The following HPSE variants were observed in gnomAD, a reference collection of about 807,000 sequenced individuals.
The protein encoded by HPSE is endo-glucoronidase.
Under a neutral mutation model 65.1 loss-of-function variants are expected in HPSE, and 48 were observed. The ratio of observed to expected loss-of-function variants is 0.74; its 90% CI spans 0.58 to 0.94. HPSE has a LOEUF of 0.94. Among genes scored for constraint, HPSE ranks in the 40% least tolerant of loss-of-function variants. HPSE has a pLI of 0.00. For synonymous variants in HPSE, 243 were observed against 260.0 expected, an observed-to-expected ratio of 0.93 and a Z score of 0.63; for missense variants, 644 against 637.5, an observed-to-expected ratio of 1.01 and a Z score of -0.11.
chr4:83,307,408 TGCAGCAGCA>T (rs35936108), intron 8 of HPSE, among the ~76,000 whole-genome samples: 1 of 151,912 alleles, frequency 6.6e-6, no homozygotes, highest in East Asian at 1.9e-4. Context: ...GGCAACTGCA[TGCAGCAGCA>T]GCAGCAGCAG....
rs1208670128 is a variant in HPSE at position 83,309,611 on chromosome 4, AG to A, written c.891-117del. On this transcript the variant is annotated intron_variant, in intron 6 of 11. Coordinates refer to ENST00000311412, the MANE Select transcript of HPSE (RefSeq NM_001098540.3). Reference sequence around the variant, plus strand: ...CTCCCACTCACCTGTTACTAAAAAAAGGTAGAAGTTCTACTAGGGAAAGACC... The same window carrying A: ...CTCCCACTCACCTGTTACTAAAAAAAGTAGAAGTTCTACTAGGGAAAGACC... 9 of 674,254 alleles carry A rather than the reference AG, an allele frequency of 1.3e-5. No homozygotes were observed. In the Middle Eastern group the frequency reaches 9.8e-4, roughly 73 times the overall value. 41.8% of individuals were successfully genotyped at this position (674,254 alleles called of 1,614,324 possible). A position where few individuals can be genotyped will look rare whatever the true frequency, so the allele number is the denominator to read the frequency against.
chr4:83,322,865 TA>T (rs1280512720), intron 1 of HPSE, among the ~76,000 whole-genome samples: 1 of 150,010 alleles, frequency 6.7e-6, no homozygotes, highest in Non-Finnish European at 1.5e-5. Context: ...GGGGTCTTGC[TA>T]TGTTGCCCAG....
upstream of HPSE, chr4:83,334,897 A>T (rs1737559080): frequency 7.1e-7 from 1 of 1,412,266 alleles, no homozygotes; most frequent in Non-Finnish European, 9.2e-7. Flanking sequence ...CCGCCCCGTT[A>T]CGCCTCCTCA....
intron 6 of HPSE, 125 bp from the exon 7 acceptor site, chr4:83,309,620 T>TTCTA: frequency 1.5e-6 from 1 of 658,496 alleles, no homozygotes; most frequent in South Asian, 1.8e-5. Context: ...AAGGTAGAAG[T>TTCTA]TCTACTAGGG....
chr4:83,320,852 T>C (rs1386157642), intron 2 of HPSE, among the ~76,000 whole-genome samples: 1 of 152,174 alleles, frequency 6.6e-6, no homozygotes, highest in African/African-American at 2.4e-5. Flanking sequence ...CAGTTTCCTG[T>C]CTACATTTAT....
intron 10 of HPSE, 130 bp from the exon 11 acceptor site, chr4:83,301,236 C>G: frequency 9.1e-6 from 5 of 547,410 alleles, no homozygotes; most frequent in Non-Finnish European, 1.2e-5. Context: ...GTATTAGGAT[C>G]CATAATGACA....
intron 3 of HPSE, 149 bp from the exon 4 acceptor site, chr4:83,313,436 C>T (rs180902878): frequency 1.8e-6 from 1 of 543,754 alleles, no homozygotes; most frequent in Non-Finnish European, 3.1e-6. Flanking sequence ...TTTGAGACAA[C>T]AAAATTGGAC....
chr4:83,320,420 G>C (rs137980198), intron 2 of HPSE, among the ~76,000 whole-genome samples: 1 of 152,098 alleles, frequency 6.6e-6, no homozygotes, highest in African/African-American at 2.4e-5. Flanking sequence ...CGAAAACTTA[G>C]CTGGGCGTGG....
At chr4:83,330,743 C>A (rs1486051127) in intron 1 of HPSE, among the ~76,000 whole-genome samples, 2 of 152,176 alleles carry the variant, frequency 1.3e-5, no homozygotes, top group Non-Finnish European at 2.9e-5. Context: ...GCTGTTCGTA[C>A]CACTTTTGCT....
chr4:83,327,995 A>G (rs1249695260), intron 1 of HPSE, among the ~76,000 whole-genome samples: 2 of 152,202 alleles, frequency 1.3e-5, no homozygotes, highest in East Asian at 1.9e-4. Flanking sequence ...AATGTTTAAG[A>G]CAAACTAGAG....
At chr4:83,325,923 G>A (rs759580643) in intron 1 of HPSE, among the ~76,000 whole-genome samples, 47 of 152,174 alleles carry the variant, frequency 3.1e-4, no homozygotes, top group Non-Finnish European at 5.7e-4. Flanking sequence ...GAAGGGTGTG[G>A]TTGGTGCCTA....
At position 83,322,362 on chromosome 4, in the gene HPSE, G is replaced by C. The variant is rs756360681; in HGVS notation, c.230C>G (p.Ser77Cys). The change falls in exon 2 of 12, where the codon TCT (serine) becomes TGT (cysteine). Residue 77 changes from serine (S) to cysteine (C), a missense_variant and splice_region_variant. Ser to Cys is a moderately radical substitution (Grantham distance 112). Transcript: ENST00000311412. ...TCTGGCCAAGGTACGAAGCTTTGGA[G>C]AACTGTTAGGAAGACAAGCAAGAAA... ...TDPRFLILLG[S>C]PKLRTLARGL... 3 of 1,604,908 alleles carry C rather than the reference G, an allele frequency of 1.9e-6. No individual in the cohort carries two copies. Among genetic ancestry groups the C allele is most frequent in the Non-Finnish European group, 2.5e-6 (3 of 1,176,944 alleles).
intron 1 of HPSE, among the ~76,000 whole-genome samples, chr4:83,325,109 A>G (rs1306685912): frequency 1.3e-5 from 2 of 150,824 alleles, no homozygotes; most frequent in South Asian, 2.1e-4. Flanking sequence ...CAAGCACGTT[A>G]TATTTTAAAT....
chr4:83,333,844 T>TA (rs60480415), intron 1 of HPSE, among the ~76,000 whole-genome samples: 2 of 141,302 alleles, frequency 1.4e-5, no homozygotes, highest in African/African-American at 5.2e-5. Flanking sequence ...TTCATCTGCC[T>TA]AAAAAAAAAA....
intron 3 of HPSE, among the ~76,000 whole-genome samples, chr4:83,315,593 A>G (rs1736596530): frequency 6.6e-6 from 1 of 152,172 alleles, no homozygotes; most frequent in South Asian, 2.1e-4. Flanking sequence ...AGTGCCCTGG[A>G]TCAGAAATCA....
rs1560514085 is a variant in HPSE, at chr4:83,322,347, G to T, written c.245C>A (p.Thr82Asn). The T allele has an allele frequency of 6.2e-7, 1 of 1,611,654 alleles. No individual in the cohort carries two copies. Among genetic ancestry groups the T allele is most frequent in the Admixed American group, 1.7e-5 (1 of 59,476 alleles). Reference sequence around the variant, plus strand: ...CGCAGGAGACAAGCCTCTGGCCAAGGTACGAAGCTTTGGAGAACTGTTAGG... The same window carrying T: ...CGCAGGAGACAAGCCTCTGGCCAAGTTACGAAGCTTTGGAGAACTGTTAGG... ...LILLGSPKLR[T>N]LARGLSPAYL... The change falls in exon 2 of 12, where the codon ACC becomes AAC. Residue 82 changes from threonine to asparagine, a missense_variant. Thr to Asn is a moderately conservative substitution (Grantham distance 65, BLOSUM62 0). Transcript: ENST00000311412.
chr4:83,322,844 TGTGG>T, intron 1 of HPSE, among the ~76,000 whole-genome samples: 1 of 147,084 alleles, frequency 6.8e-6, no homozygotes, highest in African/African-American at 2.6e-5. Context: ...TGTGTTTGTG[TGTGG>T]AGGGATGGGG....
chr4:83,299,857 A>C (rs1226249592), intron 11 of HPSE, among the ~76,000 whole-genome samples: 1 of 152,026 alleles, frequency 6.6e-6, no homozygotes, highest in Non-Finnish European at 1.5e-5. Context: ...GGCATGCACC[A>C]CCACGCCTGG....
At chr4:83,308,425 A>G (rs570061067) in intron 8 of HPSE, among the ~76,000 whole-genome samples, 1 of 152,168 alleles carries the variant, frequency 6.6e-6, no homozygotes, top group South Asian at 2.1e-4. Flanking sequence ...TCTGTTGCCC[A>G]GTCTAGAGTG....
Sources: gnomAD v4.1 joint callset for allele counts (sites outside exome capture counted in the v4.1 genomes callset) on GRCh38, gnomAD v4.1.1 for gene constraint, MANE v1.5 for transcripts, NCBI Gene and HGNC (gene_info 2026-07-23, HGNC 2026-07-21) for gene names.